MPPED1: variants seen among roughly 807,000 people sequenced by gnomAD.
The protein encoded by MPPED1 is metallophosphoesterase domain containing 1.
Under a neutral mutation model 36.2 loss-of-function variants are expected in MPPED1, and 16 were observed. The observed-to-expected ratio is 0.44, with a 90% CI of 0.30 to 0.67. The LOEUF is 0.67. Among genes scored for constraint, MPPED1 ranks in the 30% least tolerant of loss-of-function variants. The pLI is 0.10. For missense variants in MPPED1, 307 were observed against 453.4 expected (o/e 0.68, Z 2.93); for synonymous variants, 199 against 191.3 (o/e 1.04, Z -0.33).
At chr22:43,494,694 A>AGTGGTGGTGGGGGTGGTGGTG (rs1932200483) in intron 4 of MPPED1, among the ~76,000 whole-genome samples, 2 of 136,814 alleles carry the variant, frequency 1.5e-5, no homozygotes, top group South Asian at 2.3e-4. Context: ...TTTGATTCAC[A>AGTGGTGGTGGGGGTGGTGGTG]GTGGTGGTGG....
At chr22:43,413,718 T>C (rs568016909) in intron 1 of MPPED1, among the ~76,000 whole-genome samples, 3 of 152,370 alleles carry the variant, frequency 2.0e-5, no homozygotes, top group South Asian at 2.1e-4. Flanking sequence ...ACAACACTTG[T>C]AAAATCTTTT....
chr22:43,500,457 G>GTGATGGGGGTGGTGGTGGTGATGGTGA (rs1166568748), intron 5 of MPPED1, among the ~76,000 whole-genome samples: 2 of 148,952 alleles, frequency 1.3e-5, no homozygotes, highest in Non-Finnish European at 1.5e-5. Context: ...GACGGAGGTG[G>GTGATGGGGGTGGTGGTGGTGATGGTGA]TGGAGGTGGT....
intron 4 of MPPED1, among the ~76,000 whole-genome samples, chr22:43,484,622 C>A (rs1217599562): frequency 6.6e-6 from 1 of 152,218 alleles, no homozygotes; most frequent in Admixed American, 6.5e-5. Context: ...GGGTGAGACA[C>A]GCAAAGCCAT....
intron 3 of MPPED1, among the ~76,000 whole-genome samples, chr22:43,455,868 T>C (rs1930734843): frequency 6.6e-6 from 1 of 152,224 alleles, no homozygotes; most frequent in African/African-American, 2.4e-5. Context: ...AGTAACAAGT[T>C]ATCACAAGCT....
chr22:43,457,314 G>T (rs960758506), intron 3 of MPPED1, among the ~76,000 whole-genome samples: 1 of 152,068 alleles, frequency 6.6e-6, no homozygotes, highest in Admixed American at 6.6e-5. Context: ...TCTGATGCTG[G>T]TATAGCGACT....
intron 4 of MPPED1, among the ~76,000 whole-genome samples, chr22:43,496,967 G>A (rs1220753716): frequency 1.4e-5 from 1 of 73,848 alleles, no homozygotes; most frequent in Non-Finnish European, 2.7e-5. Flanking sequence ...GGTGGTGGAG[G>A]TAGTGGTGGT....
At chr22:43,501,823 C>T (rs1297407328) in intron 5 of MPPED1, among the ~76,000 whole-genome samples, 1 of 151,902 alleles carries the variant, frequency 6.6e-6, no homozygotes, top group Non-Finnish European at 1.5e-5. Context: ...CCCTCCTTCT[C>T]CCCCTCCTCC....
At chr22:43,473,065 A>G (rs939627644) in intron 3 of MPPED1, among the ~76,000 whole-genome samples, 1 of 152,208 alleles carries the variant, frequency 6.6e-6, no homozygotes, top group Non-Finnish European at 1.5e-5. Flanking sequence ...TAAGAAAAAC[A>G]ATCCTTAGTA....
chr22:43,497,686 G>T (rs1932463955), intron 4 of MPPED1, among the ~76,000 whole-genome samples: 1 of 151,644 alleles, frequency 6.6e-6, no homozygotes, highest in South Asian at 2.1e-4. Context: ...AGCTGGGGAT[G>T]GGCTCAACTC....
chr22:43,437,596 A>G (rs1394910768), intron 3 of MPPED1, among the ~76,000 whole-genome samples: 1 of 152,180 alleles, frequency 6.6e-6, no homozygotes, highest in Admixed American at 6.5e-5. Flanking sequence ...GTAAGGGTGT[A>G]GGCGATGCAT....
chr22:43,486,072 G>A (rs765230970), intron 4 of MPPED1, among the ~76,000 whole-genome samples: 5 of 152,232 alleles, frequency 3.3e-5, no homozygotes, highest in Non-Finnish European at 7.3e-5. Context: ...ACTGGGCAGA[G>A]GACAGAGGAA....
At chr22:43,435,930 G>A (rs1929942565) in intron 3 of MPPED1, among the ~76,000 whole-genome samples, 1 of 152,154 alleles carries the variant, frequency 6.6e-6, no homozygotes, top group South Asian at 2.1e-4. Context: ...ACAGAATGGT[G>A]GTGCCAGGGT....
At chr22:43,465,614 A>G (rs961636914) in intron 3 of MPPED1, among the ~76,000 whole-genome samples, 5 of 152,196 alleles carry the variant, frequency 3.3e-5, no homozygotes, top group African/African-American at 7.2e-5. Flanking sequence ...TGTGAGAAGC[A>G]CGTCCCTGGG....
intron 2 of MPPED1, among the ~76,000 whole-genome samples, chr22:43,426,717 C>T (rs1929489113): frequency 6.6e-6 from 1 of 152,196 alleles, no homozygotes; most frequent in Non-Finnish European, 1.5e-5. Flanking sequence ...GCAGCAGGCT[C>T]CAGGCGGGGA....
intron 2 of MPPED1, among the ~76,000 whole-genome samples, chr22:43,426,092 C>T (rs527401881): frequency 9.6e-4 from 146 of 152,274 alleles, no homozygotes; most frequent in African/African-American, 3.4e-3. Context: ...GAGCCCTGCA[C>T]GACAGAGCTT....
intron 4 of MPPED1, among the ~76,000 whole-genome samples, chr22:43,483,293 C>T (rs1237673747): frequency 4.6e-5 from 7 of 152,214 alleles, no homozygotes; most frequent in South Asian, 2.1e-4. Flanking sequence ...GGCAGGGTGG[C>T]GGGATGCCTG....
intron 3 of MPPED1, among the ~76,000 whole-genome samples, chr22:43,457,021 T>C (rs1338373638): frequency 2.0e-5 from 3 of 152,228 alleles, no homozygotes; most frequent in African/African-American, 7.2e-5. Context: ...GACTTGCTAG[T>C]ATTTTTTTGA....
intron 1 of MPPED1, among the ~76,000 whole-genome samples, chr22:43,413,429 C>T (rs936765757): frequency 1.3e-5 from 2 of 151,368 alleles, no homozygotes; most frequent in Non-Finnish European, 2.9e-5. Context: ...TGGCACAGGG[C>T]GATGTTGGAG....
At chr22:43,457,997 ATACT>A (rs1329396854) in intron 3 of MPPED1, among the ~76,000 whole-genome samples, 1 of 152,216 alleles carries the variant, frequency 6.6e-6, no homozygotes, top group Non-Finnish European at 1.5e-5. Context: ...AGATATACAA[ATACT>A]TACCATTGTG....
Sources: gnomAD v4.1 joint callset for allele counts (sites outside exome capture counted in the v4.1 genomes callset) on GRCh38, gnomAD v4.1.1 for gene constraint, MANE v1.5 for transcripts, NCBI Gene and HGNC (gene_info 2026-07-23, HGNC 2026-07-21) for gene names.